FGD6: variants seen among roughly 807,000 people sequenced by gnomAD.
FGD6 encodes FYVE, RhoGEF and PH domain containing 6.
In FGD6, 90 loss-of-function variants were observed where a neutral mutation model predicts 149.4. The observed-to-expected ratio is 0.60, with a 90% CI of 0.51 to 0.72. FGD6 has a LOEUF of 0.72. Ranked by LOEUF, FGD6 falls within the 30% of genes least tolerant of loss-of-function variation. The pLI, the probability that FGD6 is intolerant of heterozygous loss-of-function variation, is 0.00. For synonymous variants in FGD6, 527 were observed against 584.0 expected, an observed-to-expected ratio of 0.90 and a Z score of 1.41; for missense variants, 1,437 against 1,684.8, an observed-to-expected ratio of 0.85 and a Z score of 2.57.
chr12:95,192,118 T>C (rs970772720), intron 2 of FGD6, among the ~76,000 whole-genome samples: 18 of 152,212 alleles, frequency 1.2e-4, no homozygotes, highest in African/African-American at 4.3e-4. Context: ...TAGGGAATAA[T>C]GACAAGAACT....
chr12:95,136,831 G>A (rs542679259), intron 7 of FGD6, among the ~76,000 whole-genome samples: 4 of 152,298 alleles, frequency 2.6e-5, no homozygotes, highest in African/African-American at 9.6e-5. Flanking sequence ...AATGCCTATA[G>A]AGCTTCAGTT....
chr12:95,140,471 G>C (rs11107912), intron 6 of FGD6, among the ~76,000 whole-genome samples: 11,719 of 152,184 alleles, frequency 0.077, 619 homozygotes, highest in East Asian at 0.25. Context: ...ACAAAAATTA[G>C]CCAGGCATGG....
At chr12:95,133,574 T>C (rs1879584643) in intron 8 of FGD6, among the ~76,000 whole-genome samples, 1 of 152,190 alleles carries the variant, frequency 6.6e-6, no homozygotes, top group South Asian at 2.1e-4. Context: ...ATGGACACCA[T>C]TTCTTAAGGA....
In FGD6 at chr12:95,144,195, C is replaced by A. The variant is rs1480402629; in HGVS notation, c.2686-2656G>T. Among the ~76,000 whole-genome samples, 7 of 152,330 alleles carry A rather than the reference C, an allele frequency of 4.6e-5. No homozygotes were observed. The East Asian group carries it at 1.3e-3, about 29-fold the overall frequency. On this transcript the variant is annotated intron_variant, in intron 5 of 20. Transcript: ENST00000343958. ...CCTCTAAATGGAGGCCCTTGTCACA[C>A]ACCAGGCAAAACTCTGCTTTTCCCA...
chr12:95,183,627 C>A (rs1881345281), intron 2 of FGD6, among the ~76,000 whole-genome samples: 1 of 152,118 alleles, frequency 6.6e-6, no homozygotes, highest in African/African-American at 2.4e-5. Flanking sequence ...TCATTTGAAC[C>A]CAGGAGTTTG....
chr12:95,106,253 C>T (rs10859830), intron 13 of FGD6, among the ~76,000 whole-genome samples: 131,729 of 149,928 alleles, frequency 0.88, 58,214 homozygotes, highest in African/African-American at 0.97. Context: ...TGAGCCACTA[C>T]GCCCAGCCTT....
intron 3 of FGD6, among the ~76,000 whole-genome samples, chr12:95,170,072 G>A (rs1469075859): frequency 6.6e-6 from 1 of 152,056 alleles, no homozygotes; most frequent in East Asian, 1.9e-4. Flanking sequence ...AGTGAGCCGA[G>A]ATAGTGCCAC....
intron 2 of FGD6, among the ~76,000 whole-genome samples, chr12:95,177,535 C>T (rs1360149964): frequency 6.6e-6 from 1 of 152,186 alleles, no homozygotes; most frequent in African/African-American, 2.4e-5. Context: ...TGGTCTTTCT[C>T]TTCCTCTTCT....
chr12:95,091,862 C>G, intron 16 of FGD6, 53 bp from the exon 17 acceptor site: 1 of 1,364,774 alleles, frequency 7.3e-7, no homozygotes, highest in Non-Finnish European at 1.0e-6. Flanking sequence ...ACTTGTGTTT[C>G]TACACCATAA....
chr12:95,174,142 C>T (rs1881066565), intron 2 of FGD6, among the ~76,000 whole-genome samples: 1 of 152,100 alleles, frequency 6.6e-6, no homozygotes, highest in African/African-American at 2.4e-5. Flanking sequence ...GACTCACTCC[C>T]CGGGGGTAAG....
chr12:95,115,087 A>T (rs1017924443), intron 8 of FGD6, among the ~76,000 whole-genome samples: 2 of 152,166 alleles, frequency 1.3e-5, no homozygotes, highest in East Asian at 3.8e-4. Context: ...ATAACACATG[A>T]CACAGCAGTC....
At chr12:95,123,791 T>C (rs1047928855) in intron 8 of FGD6, among the ~76,000 whole-genome samples, 1 of 152,292 alleles carries the variant, frequency 6.6e-6, no homozygotes, top group Non-Finnish European at 1.5e-5. Context: ...CTCGATCTCC[T>C]GACCTTGTGA....
At chr12:95,107,372 ATCT>A (rs1446708060) in intron 12 of FGD6, among the ~76,000 whole-genome samples, 188 bp downstream of exon 12, 1 of 152,200 alleles carries the variant, frequency 6.6e-6, no homozygotes, top group East Asian at 1.9e-4. Flanking sequence ...AAAAGAAATA[ATCT>A]TCTGGTTATA....
At chr12:95,215,102 C>T (rs1011834424) in intron 1 of FGD6, among the ~76,000 whole-genome samples, 2 of 152,142 alleles carry the variant, frequency 1.3e-5, no homozygotes, top group South Asian at 2.1e-4. Context: ...CTCAAGTGAT[C>T]CACCCGCCTT....
chr12:95,092,643 T>C (rs1177665112), intron 16 of FGD6, 56 bp downstream of exon 16: 1 of 1,563,546 alleles, frequency 6.4e-7, no homozygotes, highest in African/African-American at 1.4e-5. Flanking sequence ...TTCCTCACTA[T>C]GTACAGCCTG....
intron 9 of FGD6, among the ~76,000 whole-genome samples, chr12:95,112,807 G>T (rs769339065): frequency 6.6e-6 from 1 of 152,148 alleles, no homozygotes; most frequent in Admixed American, 6.6e-5. Context: ...TGTTGTAATG[G>T]ATTGTTTCCC....
At chr12:95,096,317 CAGAA>C (rs1405334925) in intron 14 of FGD6, among the ~76,000 whole-genome samples, 1 of 152,162 alleles carries the variant, frequency 6.6e-6, no homozygotes, top group African/African-American at 2.4e-5. Flanking sequence ...TCATCATTCT[CAGAA>C]AGCGCCTCCC....
At chr12:95,098,915 G>C (rs1399775114) in intron 14 of FGD6, among the ~76,000 whole-genome samples, 1 of 145,950 alleles carries the variant, frequency 6.9e-6, no homozygotes, top group East Asian at 2.0e-4. Flanking sequence ...TGTTGCCTAG[G>C]TTGGAGTGTA....
chr12:95,120,964 T>C (rs1175358524), intron 8 of FGD6, among the ~76,000 whole-genome samples: 1 of 152,198 alleles, frequency 6.6e-6, no homozygotes, highest in Non-Finnish European at 1.5e-5. Context: ...ATTTTTAGTC[T>C]AGATGTCTAT....
Sources: allele counts gnomAD v4.1 joint callset (sites outside exome capture counted in the v4.1 genomes callset), GRCh38; gene constraint gnomAD v4.1.1; transcripts MANE v1.5; gene names NCBI Gene and HGNC (gene_info 2026-07-23, HGNC 2026-07-21).